The following CACNA1I variants were observed in gnomAD, a reference collection of about 807,000 sequenced individuals.
CACNA1I encodes calcium voltage-gated channel subunit alpha1 I, also known as voltage-dependent T-type calcium channel subunit alpha-1I.
CACNA1I carries 74 observed loss-of-function variants against 201.6 expected under a neutral mutation model. That is an observed-to-expected ratio of 0.37 (90% CI 0.30 to 0.45). The LOEUF (loss-of-function observed/expected upper bound fraction) is 0.45. Ranked by LOEUF, CACNA1I falls within the 20% of genes least tolerant of loss-of-function variation. CACNA1I has a pLI of 1.00. For missense variants in CACNA1I, 2,346 were observed against 3,138.1 expected (o/e 0.75, Z 6.03); for synonymous variants, 1,431 against 1,345.2 (o/e 1.06, Z -1.40).
intron 7 of CACNA1I, among the ~76,000 whole-genome samples, chr22:39,645,277 G>A (rs888710191): frequency 6.6e-6 from 1 of 152,230 alleles, no homozygotes; most frequent in East Asian, 1.9e-4. Flanking sequence ...ATGAGCCACC[G>A]CACCTGGCTT....
chr22:39,577,244 C>T (rs1315089053), intron 1 of CACNA1I, among the ~76,000 whole-genome samples: 1 of 152,242 alleles, frequency 6.6e-6, no homozygotes, highest in Non-Finnish European at 1.5e-5. Flanking sequence ...CCATTTTAGC[C>T]AGGCTGGTCT....
At chr22:39,664,461 C>A (rs1359306163) in intron 20 of CACNA1I, among the ~76,000 whole-genome samples, 1 of 152,086 alleles carries the variant, frequency 6.6e-6, no homozygotes, top group Admixed American at 6.5e-5. Context: ...TGGGGCGCTT[C>A]CCAGGGCGGG....
chr22:39,686,633 T>TATATATATATATATATATATGC lies in CACNA1I; in HGVS notation c.*249_*250insCATATATATATATATATATATG. On this transcript the variant is annotated 3_prime_UTR_variant, in exon 37 of 37. Transcript: ENST00000402142. Reference sequence around the variant, plus strand: ...ACATATATATATATATATGCATATATATATATATATATATATATATGTGTA... The same window carrying TATATATATATATATATATATGC: ...ACATATATATATATATATGCATATATATATATATATATATATATATGCATATATATATATATATATATGTGTA... 7.2e-6 allele frequency: 1 copy of TATATATATATATATATATATGC among 138,668 alleles called. No individual in the cohort carries two copies. Among genetic ancestry groups the TATATATATATATATATATATGC allele is most frequent in the South Asian group, 2.2e-4 (1 of 4,532 alleles). The allele number at this position is 138,668 out of a possible 1,614,324, so 8.6% of individuals were successfully genotyped here.
At chr22:39,589,415 A>G (rs1200257586) in intron 1 of CACNA1I, among the ~76,000 whole-genome samples, 1 of 152,230 alleles carries the variant, frequency 6.6e-6, no homozygotes, top group Admixed American at 6.5e-5. Context: ...CCTGTTTATT[A>G]TTCATTGAAT....
chr22:39,641,619 A>G (rs1013257568), intron 6 of CACNA1I, among the ~76,000 whole-genome samples: 1 of 152,234 alleles, frequency 6.6e-6, no homozygotes, highest in African/African-American at 2.4e-5. Context: ...ATTCTGGTAC[A>G]GGGAGTGCCA....
chr22:39,578,441 TTCTTG>T (rs1248120456), intron 1 of CACNA1I, among the ~76,000 whole-genome samples: 2 of 152,036 alleles, frequency 1.3e-5, no homozygotes, highest in African/African-American at 4.8e-5. Flanking sequence ...CTTCCATCTC[TTCTTG>T]TCTACACAGG....
chr22:39,646,479 G>T, intron 7 of CACNA1I, 90 bp from the exon 8 acceptor site: 1 of 1,463,186 alleles, frequency 6.8e-7, no homozygotes, highest in Non-Finnish European at 9.1e-7. Context: ...ATGTCTCCCT[G>T]CTGTCCCCAC....
rs1013111271 is a variant in CACNA1I, at chr22:39,687,922, G to A, written c.*1517G>A. ...GATCTGGAGAGGCTGCAGGGGCCAC[G>A]AGTTTGCAGATGCTGTACTTCAGCA... On this transcript the variant is annotated 3_prime_UTR_variant, in exon 37 of 37. Coordinates refer to ENST00000402142, the MANE Select transcript of CACNA1I (RefSeq NM_021096.4). The A allele has an allele frequency of 3.3e-5, 5 of 152,210 alleles. No individual in the cohort carries two copies. Among genetic ancestry groups the A allele is most frequent in the African/African-American group, 4.8e-5 (2 of 41,434 alleles). 9.4% of individuals were successfully genotyped at this position (152,210 alleles called of 1,614,324 possible). A position where few individuals can be genotyped will look rare whatever the true frequency, so the allele number is the denominator to read the frequency against.
At chr22:39,651,770 G>T (rs763968149) in intron 10 of CACNA1I, among the ~76,000 whole-genome samples, 1 of 152,258 alleles carries the variant, frequency 6.6e-6, no homozygotes, top group Non-Finnish European at 1.5e-5. Flanking sequence ...TGATGAAAGA[G>T]TTGGGAGCTT....
chr22:39,660,241 T>C, intron 14 of CACNA1I, 103 bp from the exon 15 acceptor site: 1 of 815,064 alleles, frequency 1.2e-6, no homozygotes, highest in East Asian at 2.7e-5. Flanking sequence ...AGTTTTCCCA[T>C]TTGCAAAATG....
chr22:39,592,749 C>T (rs1932837163), intron 1 of CACNA1I, among the ~76,000 whole-genome samples: 2 of 152,230 alleles, frequency 1.3e-5, no homozygotes, highest in Admixed American at 6.5e-5. Flanking sequence ...AACCTCACGG[C>T]TTCGCTTGCC....
At chr22:39,626,179 G>A (rs1170104593) in intron 4 of CACNA1I, among the ~76,000 whole-genome samples, 1 of 152,184 alleles carries the variant, frequency 6.6e-6, no homozygotes, top group Non-Finnish European at 1.5e-5. Context: ...ACTGGCTGTG[G>A]GACCCTGAGT....
Position 39,681,839 on chromosome 22 carries a change from T to C in CACNA1I, c.5665-657T>C, listed in dbSNP as rs73888117. ...TGTGGGGCCAGTTCCTCCTGTCCCT[T>C]CCATGTCATTTTGGTCCCCTCCCTG... On this transcript the variant is annotated intron_variant, in intron 34 of 36. Transcript: ENST00000402142. 3.7e-3 allele frequency among the ~76,000 whole-genome samples: 567 copies of C among 152,218 alleles called. 4 individuals are homozygous for C. Among genetic ancestry groups the C allele is most frequent in the African/African-American group, 0.013 (549 of 41,522 alleles).
chr22:39,602,637 G>A (rs1022219595), intron 3 of CACNA1I, among the ~76,000 whole-genome samples: 2 of 152,064 alleles, frequency 1.3e-5, no homozygotes, highest in African/African-American at 4.8e-5. Flanking sequence ...ATCTTTGAGT[G>A]TGGACCGTTA....
At chr22:39,626,642 G>T (rs949807709) in intron 4 of CACNA1I, among the ~76,000 whole-genome samples, 5 of 152,150 alleles carry the variant, frequency 3.3e-5, no homozygotes, top group Non-Finnish European at 5.9e-5. Flanking sequence ...CTGTTGCCAG[G>T]CTGGAGTGCA....
At position 39,598,275 on chromosome 22, in the gene CACNA1I, C is replaced by T; in HGVS notation, c.348+13C>T. On this transcript the variant is annotated intron_variant, in intron 2 of 36. Transcript: ENST00000402142. ...CAAGATCCTGCAGGTGAGCCGGCCG[C>T]CCCGCCCCGCCCCGCCCTGCCCTCA... 1 of 1,307,388 alleles carries T rather than the reference C, an allele frequency of 7.6e-7. No homozygotes were observed. The allele number at this position is 1,307,388 out of a possible 1,614,324, so 81.0% of individuals were successfully genotyped here. A position where few individuals can be genotyped will look rare whatever the true frequency, so the allele number is the denominator to read the frequency against.
intron 10 of CACNA1I, among the ~76,000 whole-genome samples, chr22:39,653,169 G>GTGGGTGCACGGATTCCCCCAC (rs1306953128): frequency 4.0e-5 from 6 of 151,776 alleles, no homozygotes; most frequent in Admixed American, 1.3e-4. Context: ...TGACTGCATT[G>GTGGGTGCACGGATTCCCCCAC]AGAACCTGGC....
intron 1 of CACNA1I, among the ~76,000 whole-genome samples, chr22:39,591,158 C>CTT (rs132581): frequency 1.5e-5 from 2 of 129,502 alleles, no homozygotes; most frequent in Non-Finnish European, 1.6e-5. Flanking sequence ...GGCCTGGATT[C>CTT]TTTTTTTTTT....
intron 1 of CACNA1I, among the ~76,000 whole-genome samples, chr22:39,597,722 C>G (rs572654231): frequency 5.8e-4 from 89 of 152,362 alleles, no homozygotes; most frequent in African/African-American, 1.9e-3. Flanking sequence ...GCTCCAGACC[C>G]AGACCTTGGC....
Sources: gnomAD v4.1 joint callset for allele counts (sites outside exome capture counted in the v4.1 genomes callset) on GRCh38, gnomAD v4.1.1 for gene constraint, MANE v1.5 for transcripts, NCBI Gene and HGNC (gene_info 2026-07-23, HGNC 2026-07-21) for gene names.